Variants in ANO4 observed in about 807,000 individuals in gnomAD.
ANO4 encodes anoctamin-4.
In ANO4, 69 loss-of-function variants were observed where a neutral mutation model predicts 141.9. That is an observed-to-expected ratio of 0.49 (90% CI 0.40 to 0.59). The LOEUF is 0.59. Ranked by LOEUF, ANO4 falls within the 20% of genes least tolerant of loss-of-function variation. The pLI, the probability that ANO4 is intolerant of heterozygous loss-of-function variation, is 0.00. For synonymous variants in ANO4, 350 were observed against 394.3 expected, an observed-to-expected ratio of 0.89 and a Z score of 1.33; for missense variants, 894 against 1,162.2, an observed-to-expected ratio of 0.77 and a Z score of 3.36.
intron 1 of ANO4, among the ~76,000 whole-genome samples, chr12:100,832,568 G>C (rs1056462241): frequency 2.0e-5 from 3 of 152,102 alleles, no homozygotes; most frequent in Non-Finnish European, 4.4e-5. Context: ...TATCTGCTTA[G>C]GGAAATATTA....
At chr12:100,861,603 C>T (rs1379822544) in intron 1 of ANO4, among the ~76,000 whole-genome samples, 1 of 152,124 alleles carries the variant, frequency 6.6e-6, no homozygotes, top group African/African-American at 2.4e-5. Flanking sequence ...TAGGACATTA[C>T]CATATACTAC....
Position 100,784,474 on chromosome 12 carries a change from A to G in ANO4, c.358+44369A>G, listed in dbSNP as rs180977600. ...GCAACTGCAGTTCTCTTCTAAGGAT[A>G]TTCATTTTCCTCTCTCTTATTGTTG... On this transcript the variant is annotated intron_variant, in intron 3 of 29. Coordinates refer to the ANO4 transcript ENST00000644049. 3.0e-3 allele frequency among the ~76,000 whole-genome samples: 451 copies of G among 152,266 alleles called. 5 individuals carry two copies. Among genetic ancestry groups the G allele is most frequent in the African/African-American group, 0.01 (419 of 41,550 alleles).
At chr12:100,796,655 T>A (rs2034343383) in intron 1 of ANO4, among the ~76,000 whole-genome samples, 2 of 152,176 alleles carry the variant, frequency 1.3e-5, no homozygotes, top group Non-Finnish European at 2.9e-5. Context: ...AAACAATTTT[T>A]AAAATATTAT....
At chr12:100,984,205 TC>T (rs1333475622) in intron 7 of ANO4, among the ~76,000 whole-genome samples, 1 of 152,136 alleles carries the variant, frequency 6.6e-6, no homozygotes, top group African/African-American at 2.4e-5. Flanking sequence ...CAAGTGATTT[TC>T]CTGCCTCAAC....
intron 25 of ANO4, among the ~76,000 whole-genome samples, chr12:101,118,569 A>T (rs1446370331): frequency 6.6e-6 from 1 of 152,196 alleles, no homozygotes; most frequent in Non-Finnish European, 1.5e-5. Flanking sequence ...GTAGAGAAAA[A>T]TTTAAAAACA....
intron 14 of ANO4, among the ~76,000 whole-genome samples, chr12:101,061,482 A>G (rs1217117496): frequency 1.3e-5 from 2 of 152,052 alleles, no homozygotes; most frequent in Admixed American, 6.5e-5. Context: ...GTGTTTTCCA[A>G]CTTGGTTCCA....
intron 7 of ANO4, among the ~76,000 whole-genome samples, chr12:100,977,144 T>C (rs11110612): frequency 0.039 from 5,915 of 152,272 alleles, 314 homozygotes; most frequent in African/African-American, 0.12. Context: ...TTAATACTTA[T>C]TACATGTAAT....
At chr12:101,034,036 C>T (rs1199599279) in intron 9 of ANO4, among the ~76,000 whole-genome samples, 1 of 152,004 alleles carries the variant, frequency 6.6e-6, no homozygotes, top group African/African-American at 2.4e-5. Flanking sequence ...TTACACTGTT[C>T]TTGGGAGTGT....
intron 22 of ANO4, among the ~76,000 whole-genome samples, chr12:101,105,418 CAGCCATTTAAAATAT>C (rs1274010706): frequency 2.6e-5 from 4 of 152,196 alleles, no homozygotes; most frequent in African/African-American, 9.7e-5. Flanking sequence ...GACACTTTTA[CAGCCATTTAAAATAT>C]AGCCATTTAA....
chr12:101,058,187 T>C (rs1357671971), intron 14 of ANO4, among the ~76,000 whole-genome samples: 2 of 152,200 alleles, frequency 1.3e-5, no homozygotes, highest in Non-Finnish European at 1.5e-5. Flanking sequence ...TGTGGCGTTA[T>C]TTCTGAGGCC....
At chr12:100,725,879 T>A (rs2031093749) in intron 1 of ANO4, among the ~76,000 whole-genome samples, 1 of 152,184 alleles carries the variant, frequency 6.6e-6, no homozygotes, top group East Asian at 1.9e-4. Context: ...CACTTTCTAG[T>A]TGTGTGATGA....
intron 5 of ANO4, among the ~76,000 whole-genome samples, chr12:100,944,904 AC>A (rs1465767906): frequency 6.6e-6 from 1 of 152,182 alleles, no homozygotes; most frequent in Non-Finnish European, 1.5e-5. Flanking sequence ...AAATTTAGAA[AC>A]CGTTGGAAGT....
upstream of ANO4, among the ~76,000 whole-genome samples, chr12:100,790,918 C>T (rs1242780656): frequency 6.6e-6 from 1 of 152,180 alleles, no homozygotes; most frequent in Non-Finnish European, 1.5e-5. Flanking sequence ...TTCAACCTAT[C>T]CTCTCTCCAT....
chr12:100,812,093 C>T (rs1252641991), intron 1 of ANO4, among the ~76,000 whole-genome samples: 4 of 152,150 alleles, frequency 2.6e-5, no homozygotes, highest in Non-Finnish European at 5.9e-5. Context: ...CTGTAGTAGG[C>T]ACTTTGAATC....
chr12:100,934,442 G>A lies in ANO4; in HGVS notation c.161-4873G>A, dbSNP rs144836840. 7.7e-3 allele frequency among the ~76,000 whole-genome samples: 1,174 copies of A among 152,144 alleles called. 14 individuals are homozygous for A. Among genetic ancestry groups the A allele is most frequent in the African/African-American group, 0.026 (1,093 of 41,526 alleles). On this transcript the variant is annotated intron_variant, in intron 3 of 27. Coordinates refer to ENST00000392977, the MANE Select transcript of ANO4 (RefSeq NM_001286615.2). The stretch of plus-strand genomic sequence containing the variant: ...GTGTTATTTCTGAGGACTCTGTTCC[G>A]TTCCATTGGTCTATATTTTGGTTTT...
intron 5 of ANO4, among the ~76,000 whole-genome samples, chr12:100,961,696 T>G (rs951063121): frequency 6.6e-6 from 1 of 152,220 alleles, no homozygotes; most frequent in Non-Finnish European, 1.5e-5. Flanking sequence ...TATTGAGATA[T>G]TTTACATTCT....
At chr12:100,862,591 GGATTACAGGCGT>G (rs146151039) in intron 1 of ANO4, among the ~76,000 whole-genome samples, 2,652 of 152,196 alleles carry the variant, frequency 0.017, 75 homozygotes, top group African/African-American at 0.06. Context: ...CAAAGTGCTG[GGATTACAGGCGT>G]GAGCCACTGT....
intron 1 of ANO4, among the ~76,000 whole-genome samples, chr12:100,877,710 T>C (rs1161154963): frequency 6.6e-6 from 1 of 152,190 alleles, no homozygotes; most frequent in African/African-American, 2.4e-5. Flanking sequence ...GTGATGTTTT[T>C]TTCTCCAGCA....
intron 1 of ANO4, among the ~76,000 whole-genome samples, chr12:100,841,225 T>A (rs1320997158): frequency 6.6e-6 from 1 of 152,110 alleles, no homozygotes; most frequent in Non-Finnish European, 1.5e-5. Context: ...AAATGACATT[T>A]AAAAAAATGC....
Sources: allele counts gnomAD v4.1 joint callset (sites outside exome capture counted in the v4.1 genomes callset), GRCh38; gene constraint gnomAD v4.1.1; transcripts MANE v1.5; gene names NCBI Gene and HGNC (gene_info 2026-07-23, HGNC 2026-07-21).